Variants in ATP6V0A1 observed in about 807,000 individuals in gnomAD.
ATP6V0A1 encodes the protein ATPase H+ transporting V0 subunit a1.
In ATP6V0A1, 43 loss-of-function variants were observed where a neutral mutation model predicts 105.4. The observed-to-expected ratio is 0.41, with a 90% confidence interval of 0.32 to 0.53. The LOEUF (loss-of-function observed/expected upper bound fraction) is 0.53, where lower values mean the gene tolerates loss of function less well. ATP6V0A1 is among the 20% of genes least tolerant of loss of function. The pLI is 0.30. For synonymous variants in ATP6V0A1, 362 were observed against 372.8 expected, an observed-to-expected ratio of 0.97 and a Z score of 0.33; for missense variants, 676 against 1,051.1, an observed-to-expected ratio of 0.64 and a Z score of 4.93.
At chr17:42,500,074 C>CAAAA (rs199733869) in intron 15 of ATP6V0A1, among the ~76,000 whole-genome samples, 1 of 61,054 alleles carries the variant, frequency 1.6e-5, no homozygotes, top group African/African-American at 5.4e-5. Context: ...CCCATCTCTA[C>CAAAA]AAAAAAAAAA....
At position 42,507,536 on chromosome 17, in the gene ATP6V0A1, G is replaced by A. The variant is rs2092104010; in HGVS notation, c.2021G>A (p.Gly674Asp). Residue 674 changes from glycine (G) to aspartate (D), a missense_variant, in exon 18 of 22, where the codon GGT becomes GAT. Coordinates refer to ENST00000343619, the MANE Select transcript of ATP6V0A1 (RefSeq NM_001130021.3). ...TCTGTGTAGGGAACTCTCAACTTTGGTGGGATCAGGGTGGGCAACGGACCG... is the reference window on the plus strand; with the variant it reads ...TCTGTGTAGGGAACTCTCAACTTTGATGGGATCAGGGTGGGCAACGGACCG... ...RRKHLGTLNF[G>D]GIRVGNGPTE... 6 of 1,612,238 alleles carry A rather than the reference G, an allele frequency of 3.7e-6. No individual in the cohort carries two copies. Among genetic ancestry groups the A allele is most frequent in the African/African-American group, 2.7e-5 (2 of 74,732 alleles).
At chr17:42,505,990 GTT>G (rs2091999878) in intron 17 of ATP6V0A1, among the ~76,000 whole-genome samples, 1 of 152,076 alleles carries the variant, frequency 6.6e-6, no homozygotes, top group African/African-American at 2.4e-5. Context: ...GTTTCGCCAT[GTT>G]GGCCAGGCTG....
rs200532770 is a variant in ATP6V0A1 at position 42,494,411 on chromosome 17, C to T, written c.1252C>T (p.Leu418Phe). ...GDFGHGILMT[L>F]FAVWMVLRES... is the part of the protein sequence containing the mutation. ...CTTCGGTCATGGCATTTTAATGACC[C>T]TTTTTGCTGTGTGGATGGTACTGAG... The change falls in exon 12 of 22, where the codon CTT becomes TTT. Residue 418 changes from leucine to phenylalanine, a missense_variant. Coordinates refer to ENST00000343619, the MANE Select transcript of ATP6V0A1 (RefSeq NM_001130021.3). 124 of 1,613,400 alleles carry T rather than the reference C, an allele frequency of 7.7e-5. No homozygotes were observed. The highest frequency in any genetic ancestry group is 1.3e-5 in the Non-Finnish European group (15 of 1,179,612).
At chr17:42,481,213 A>G (rs1348375306) in intron 8 of ATP6V0A1, 2 of 150,372 alleles carry the variant, frequency 1.3e-5, no homozygotes, top group Non-Finnish European at 2.9e-5. Context: ...GTGAGCCACT[A>G]AATTCTTTTT....
chr17:42,500,773 G>A lies in ATP6V0A1; in HGVS notation c.1746G>A (p.Leu582=), dbSNP rs547798490. ...FIPEIIFMTS[L]FGYLVILIFY... ...CTGAAATAATCTTCATGACCTCTTT[G>A]TTTGGCTATTTGGTTATCCTTATTT... The change falls in exon 16 of 22, where the codon TTG becomes TTA. Residue 582 remains leucine (L), a synonymous_variant. Transcript: ENST00000343619. The A allele has an allele frequency of 2.8e-4, 446 of 1,613,900 alleles. 8 individuals are homozygous for A. In the South Asian group the frequency reaches 4.7e-3, roughly 17 times the overall value.
chr17:42,468,113 C>T lies in ATP6V0A1; in HGVS notation c.294+6C>T, dbSNP rs1294158171. On this transcript the variant is annotated splice_donor_region_variant and intron_variant, in intron 4 of 21. Transcript: ENST00000343619. ...GGGACATGATTGACTTAGAGGTAAA[C>T]ACTTCTGGGAAAACCAGAAAAGTTT... 6.4e-7 allele frequency: 1 copy of T among 1,562,204 alleles called. No individual in the cohort carries two copies. The highest frequency in any genetic ancestry group is 8.7e-7 in the Non-Finnish European group (1 of 1,149,726).
intron 10 of ATP6V0A1, among the ~76,000 whole-genome samples, chr17:42,490,094 TGAA>T (rs2090489686): frequency 6.6e-6 from 1 of 152,006 alleles, no homozygotes; most frequent in South Asian, 2.1e-4. Flanking sequence ...GAGAAGGTAG[TGAA>T]GAAGGAGAGC....
rs150235786 is a variant in ATP6V0A1 at position 42,468,571 on chromosome 17, C to T, written c.294+464C>T. Among the ~76,000 whole-genome samples, 8 of 152,318 alleles carry T rather than the reference C, an allele frequency of 5.3e-5. 1 individual carries two copies. The East Asian group carries it at 1.5e-3, about 29-fold the overall frequency. ...ACCCTTCATAGCCTCTGGTATCTAT[C>T]ATTCCACTCCCTACCTCTATGAGAT... On this transcript the variant is annotated intron_variant, in intron 4 of 21. Coordinates refer to ENST00000343619, the MANE Select transcript of ATP6V0A1 (RefSeq NM_001130021.3).
At chr17:42,472,293 A>T (rs1486600581) in intron 5 of ATP6V0A1, among the ~76,000 whole-genome samples, 1 of 151,788 alleles carries the variant, frequency 6.6e-6, no homozygotes, top group Non-Finnish European at 1.5e-5. Flanking sequence ...GCCTCAAGTG[A>T]TCCATCCACC....
At chr17:42,485,208 T>C (rs745481052) in intron 9 of ATP6V0A1, among the ~76,000 whole-genome samples, 2 of 152,138 alleles carry the variant, frequency 1.3e-5, no homozygotes, top group Non-Finnish European at 2.9e-5. Context: ...CAACCTGACC[T>C]ATTGCTGGCT....
At chr17:42,499,203 G>T (rs2091455027) in intron 15 of ATP6V0A1, among the ~76,000 whole-genome samples, 161 bp downstream of exon 15, 1 of 152,200 alleles carries the variant, frequency 6.6e-6, no homozygotes, top group African/African-American at 2.4e-5. Context: ...AGGCGCGGTG[G>T]ATCATGCCTG....
intron 13 of ATP6V0A1, 109 bp from the exon 14 acceptor site, chr17:42,495,517 A>C: frequency 1.2e-6 from 1 of 843,642 alleles, no homozygotes; most frequent in Non-Finnish European, 1.9e-6. Context: ...CTCCCATTTT[A>C]TTGAAGAGAC....
chr17:42,514,235 C>T (rs1487901551), intron 20 of ATP6V0A1, 54 bp from the exon 21 acceptor site: 53 of 1,535,606 alleles, frequency 3.5e-5, no homozygotes, highest in Non-Finnish European at 4.6e-5. Context: ...AAATTCATGG[C>T]CTACAGCTGC....
intron 14 of ATP6V0A1, among the ~76,000 whole-genome samples, chr17:42,498,264 C>A (rs1598981374): frequency 6.6e-6 from 1 of 152,008 alleles, no homozygotes; most frequent in Non-Finnish European, 1.5e-5. Flanking sequence ...ATAAATAAGT[C>A]TTTTCCTTTT....
At chr17:42,461,696 G>C (rs767342023) in intron 2 of ATP6V0A1, among the ~76,000 whole-genome samples, 2 of 152,092 alleles carry the variant, frequency 1.3e-5, no homozygotes, top group Non-Finnish European at 2.9e-5. Flanking sequence ...GCCTGAACCT[G>C]GGAGGCGGAG....
chr17:42,485,416 A>G (rs1019803441), intron 9 of ATP6V0A1, among the ~76,000 whole-genome samples: 1 of 152,214 alleles, frequency 6.6e-6, no homozygotes, highest in Non-Finnish European at 1.5e-5. Flanking sequence ...AGCTGTAGGA[A>G]CTGAAAGTTT....
intron 2 of ATP6V0A1, among the ~76,000 whole-genome samples, chr17:42,461,554 C>T (rs1032451366): frequency 2.0e-5 from 3 of 152,050 alleles, no homozygotes; most frequent in South Asian, 2.1e-4. Context: ...GCGGGCGGAT[C>T]GGGAGGTCAG....
intron 7 of ATP6V0A1, 166 bp downstream of exon 7, chr17:42,478,755 C>G: frequency 3.5e-6 from 2 of 576,472 alleles, no homozygotes; most frequent in Non-Finnish European, 5.3e-6. Context: ...TAATTCCTGT[C>G]ATATATACAT....
At chr17:42,498,080 A>G (rs1257956586) in intron 14 of ATP6V0A1, among the ~76,000 whole-genome samples, 1 of 152,096 alleles carries the variant, frequency 6.6e-6, no homozygotes, top group Non-Finnish European at 1.5e-5. Context: ...GTGAAACCCC[A>G]TCTCTACTAA....
Sources: gnomAD v4.1 joint callset for allele counts (sites outside exome capture counted in the v4.1 genomes callset) on GRCh38, gnomAD v4.1.1 for gene constraint, MANE v1.5 for transcripts, NCBI Gene and HGNC (gene_info 2026-07-23, HGNC 2026-07-21) for gene names.